The following ASS1 variants were observed in gnomAD, a reference collection of about 807,000 sequenced individuals.
ASS1 encodes the protein argininosuccinate synthase 1.
Under a neutral mutation model 60.5 loss-of-function variants are expected in ASS1, and 58 were observed. The ratio of observed to expected loss-of-function variants is 0.96; its 90% CI spans 0.78 to 1.19. The LOEUF (loss-of-function observed/expected upper bound fraction) is 1.19, where lower values mean the gene tolerates loss of function less well. Among genes scored for constraint, ASS1 ranks in the 50% most tolerant of loss-of-function variants. ASS1 has a pLI of 0.00. For missense variants in ASS1, 454 were observed against 547.3 expected, an observed-to-expected ratio of 0.83 and a Z score of 1.70; for synonymous variants, 200 against 206.9, an observed-to-expected ratio of 0.97 and a Z score of 0.29.
At chr9:130,492,243 C>G (rs7030804) in intron 12 of ASS1, among the ~76,000 whole-genome samples, 14,934 of 152,190 alleles carry the variant, frequency 0.098, 818 homozygotes, top group Non-Finnish European at 0.1. Flanking sequence ...CTTCCTTGAG[C>G]CTCAGTTTCC....
Position 130,480,418 on chromosome 9 carries a change from G to A in ASS1, c.807G>A (p.Val269=). The A allele has an allele frequency of 1.2e-6, 2 of 1,614,176 alleles. No homozygotes were observed. The highest frequency in any genetic ancestry group is 1.7e-6 in the Non-Finnish European group (2 of 1,180,030). Residue 269 remains valine, a synonymous_variant, in exon 11 of 15, where the codon GTG becomes GTA. Coordinates refer to ENST00000352480, the MANE Select transcript of ASS1 (RefSeq NM_054012.4). Reference sequence around the variant, plus strand: ...ATGGCGTGGGCCGTATTGACATCGTGGAGAACCGCTTCATTGGAATGAAGT... The same window carrying A: ...ATGGCGTGGGCCGTATTGACATCGTAGAGAACCGCTTCATTGGAATGAAGT... ...GKHGVGRIDI[V]ENRFIGMKSR...
In ASS1 at chr9:130,447,054, G is replaced by A. The variant is rs183234432; in HGVS notation, c.-6+2059G>A. On this transcript the variant is annotated intron_variant, in intron 1 of 14. Transcript: ENST00000352480. ...AGCTCAGCTGAGTTAGAATGTCAGC[G>A]AGGGGTTGCAGGGGAATCTTCCACG... Among the ~76,000 whole-genome samples, 54 of 152,374 alleles carry A rather than the reference G, an allele frequency of 3.5e-4. No homozygotes were observed. In the East Asian group the frequency reaches 4.6e-3, roughly 13 times the overall value.
In ASS1 at chr9:130,470,301, T is replaced by C. The variant is rs934503158; in HGVS notation, c.496-533T>C. ...TCTGCTGGGTGTTCCCCTTCTAGGG[T>C]CTGCAGAGTGATGTGTGTGGCTGTT... is the stretch of plus-strand genomic sequence containing the variant. On this transcript the variant is annotated intron_variant, in intron 6 of 14. Transcript: ENST00000352480. This position sits in a 1 kb window ranked among gnomAD's most constrained non-coding sequence, Gnocchi z 4.3. Among the ~76,000 whole-genome samples the C allele has an allele frequency of 1.3e-5, 2 of 151,896 alleles. No homozygotes were observed. The highest frequency in any genetic ancestry group is 4.8e-5 in the African/African-American group (2 of 41,348).
At chr9:130,486,631 C>T (rs1201800844) in intron 11 of ASS1, among the ~76,000 whole-genome samples, 1 of 152,178 alleles carries the variant, frequency 6.6e-6, no homozygotes, top group Non-Finnish European at 1.5e-5. Context: ...GAGGCCATTT[C>T]CTAATCAGAG....
rs568740284 is a variant in ASS1, at chr9:130,488,076, G to A, written c.839-1257G>A. Among the ~76,000 whole-genome samples the A allele has an allele frequency of 1.4e-3, 213 of 152,288 alleles. No homozygotes were observed. Among genetic ancestry groups the A allele is most frequent in the South Asian group, 3.1e-3 (15 of 4,826 alleles). On this transcript the variant is annotated intron_variant, in intron 11 of 14. Coordinates refer to ENST00000352480, the MANE Select transcript of ASS1 (RefSeq NM_054012.4). This position sits in a 1 kb window ranked among gnomAD's most constrained non-coding sequence, Gnocchi z 5.2. ...CCCGGCCCCCTTCCTTCTTAAGGCT[G>A]AATAATATTCCATCGTATGGATGGA...
At chr9:130,461,037 C>G (rs1388897661) in intron 4 of ASS1, among the ~76,000 whole-genome samples, 1 of 152,056 alleles carries the variant, frequency 6.6e-6, no homozygotes, top group Non-Finnish European at 1.5e-5. Flanking sequence ...AAAAAGCTCC[C>G]GACCCATCTG....
chr9:130,501,139 G>A lies in ASS1; in HGVS notation c.*118G>A. ...TTCTCCCCGGCTGGCAGCGTAGTGG[G>A]GCTGCCAGGCCCCAGCTTTGTTCCC... On this transcript the variant is annotated 3_prime_UTR_variant, in exon 15 of 15. Transcript: ENST00000352480. 1 of 1,169,164 alleles carries A rather than the reference G, an allele frequency of 8.6e-7. No homozygotes were observed. Among genetic ancestry groups the A allele is most frequent in the Non-Finnish European group, 1.3e-6 (1 of 794,768 alleles). 72.4% of individuals were successfully genotyped at this position (1,169,164 alleles called of 1,614,324 possible).
At position 130,488,962 on chromosome 9, in the gene ASS1, A is replaced by T. The variant is rs1311849621; in HGVS notation, c.839-371A>T. 6.6e-6 allele frequency among the ~76,000 whole-genome samples: 1 copy of T among 151,994 alleles called. No homozygotes were observed. The highest frequency in any genetic ancestry group is 1.5e-5 in the Non-Finnish European group (1 of 68,006). ...GCTCCCTGGTGGAAGGGAAGAAGGG[A>T]TATTTGGGGCTCTGGGCTCTACCGT... On this transcript the variant is annotated intron_variant, in intron 11 of 14. Coordinates refer to ENST00000352480, the MANE Select transcript of ASS1 (RefSeq NM_054012.4). This position sits in a 1 kb window ranked among gnomAD's most constrained non-coding sequence, Gnocchi z 5.2.
Position 130,476,789 on chromosome 9 carries a change from G to T in ASS1, c.598-82G>T, listed in dbSNP as rs1027375802. ...GTGGGGAAATGGACAGAGGAGAGGG[G>T]TGCAGATCCCCGCGGGAGGTGGGCT... On this transcript the variant is annotated intron_variant, in intron 8 of 14. Coordinates refer to ENST00000352480, the MANE Select transcript of ASS1 (RefSeq NM_054012.4). This position sits in a 1 kb window ranked among gnomAD's most constrained non-coding sequence, Gnocchi z 4.9. 7 of 1,300,944 alleles carry T rather than the reference G, an allele frequency of 5.4e-6. No homozygotes were observed. The African/African-American group carries it at 7.3e-5, about 14-fold the overall frequency. 80.6% of individuals were successfully genotyped at this position (1,300,944 alleles called of 1,614,324 possible).
intron 11 of ASS1, among the ~76,000 whole-genome samples, chr9:130,482,480 C>T (rs986537500): frequency 2.0e-5 from 3 of 151,602 alleles, no homozygotes; most frequent in African/African-American, 7.3e-5. Context: ...GCAGGCACTA[C>T]CAAATGATCA....
intron 4 of ASS1, among the ~76,000 whole-genome samples, chr9:130,463,640 C>T (rs766359948): frequency 6.6e-6 from 1 of 152,174 alleles, no homozygotes; most frequent in Non-Finnish European, 1.5e-5. Context: ...TGAAGAGATG[C>T]GGAAACTGAG....
intron 9 of ASS1, 121 bp from the exon 10 acceptor site, chr9:130,479,595 G>A: frequency 2.5e-6 from 2 of 815,698 alleles, no homozygotes; most frequent in East Asian, 2.5e-5. Context: ...GAGTCATTTG[G>A]AGTCCATATC....
At chr9:130,499,383 G>T in intron 13 of ASS1, 122 bp from the exon 14 acceptor site, 1 of 1,019,632 alleles carries the variant, frequency 9.8e-7, no homozygotes, top group Non-Finnish European at 1.5e-6. Flanking sequence ...GGGAGGGTTT[G>T]GACCCACACA....
intron 11 of ASS1, among the ~76,000 whole-genome samples, chr9:130,481,377 T>C (rs596698): frequency 0.9 from 137,674 of 152,202 alleles, 63,781 homozygotes; most frequent in East Asian, 1. Context: ...CAGGGCTTCC[T>C]GTTTCGGTAA....
intron 1 of ASS1, among the ~76,000 whole-genome samples, chr9:130,448,422 G>GCGCA (rs71387350): frequency 0.058 from 8,238 of 143,260 alleles, 268 homozygotes; most frequent in Non-Finnish European, 0.08. Context: ...GTGTGCGCGC[G>GCGCA]CACACACACA....
intron 1 of ASS1, 180 bp downstream of exon 1, chr9:130,445,175 C>G (rs1845165777): frequency 1.0e-6 from 1 of 985,356 alleles, no homozygotes; most frequent in African/African-American, 1.7e-5. Flanking sequence ...TCCCGATGCT[C>G]AAACGCCTGG....
chr9:130,450,967 G>A (rs1037133353), intron 1 of ASS1, among the ~76,000 whole-genome samples: 22 of 152,196 alleles, frequency 1.4e-4, no homozygotes, highest in African/African-American at 4.8e-4. Flanking sequence ...AGGTGTCCAC[G>A]GAGGCTGGAA....
rs1161998598 is a variant in ASS1, at chr9:130,488,130, G to A, written c.839-1203G>A. 2.0e-5 allele frequency among the ~76,000 whole-genome samples: 3 copies of A among 151,852 alleles called. No homozygotes were observed. Among genetic ancestry groups the A allele is most frequent in the Non-Finnish European group, 4.4e-5 (3 of 67,974 alleles). ...CATTTTGCTTCTTCACTCATCCCTC[G>A]ATGGACACCTGGGTTGCTTCCGCCT... On this transcript the variant is annotated intron_variant, in intron 11 of 14. Transcript: ENST00000352480. This position sits in a 1 kb window ranked among gnomAD's most constrained non-coding sequence, Gnocchi z 5.2.
chr9:130,481,566 G>A (rs1846176976), intron 11 of ASS1, among the ~76,000 whole-genome samples: 1 of 152,320 alleles, frequency 6.6e-6, no homozygotes, highest in South Asian at 2.1e-4. Context: ...CGGAGGGCAG[G>A]ATGCCTGCTT....
Sources: allele counts gnomAD v4.1 joint callset (sites outside exome capture counted in the v4.1 genomes callset), GRCh38; gene constraint gnomAD v4.1.1; non-coding constraint Gnocchi (gnomAD v3.1); transcripts MANE v1.5; gene names NCBI Gene and HGNC (gene_info 2026-07-23, HGNC 2026-07-21).